SLC25A48: variants seen among roughly 807,000 people sequenced by gnomAD.
SLC25A48 encodes the protein CTC-321K16.1.
SLC25A48 carries 29 observed loss-of-function variants against 32.2 expected under a neutral mutation model. That is an observed-to-expected ratio of 0.90 (90% CI 0.67 to 1.23). SLC25A48 has a LOEUF of 1.23. SLC25A48 is among the 50% of genes most tolerant of loss of function. The pLI, the probability that SLC25A48 is intolerant of heterozygous loss-of-function variation, is 0.00. For synonymous variants in SLC25A48, 164 were observed against 172.3 expected (o/e 0.95, Z 0.38); for missense variants, 399 against 422.7 (o/e 0.94, Z 0.49).
intron 3 of SLC25A48, among the ~76,000 whole-genome samples, chr5:135,788,166 G>A (rs893127052): frequency 2.0e-5 from 3 of 151,622 alleles, no homozygotes; most frequent in South Asian, 2.1e-4. Context: ...TGTCCGGGGT[G>A]GGGGGAAGGG....
At chr5:135,857,746 G>T (rs188316454) in intron 4 of SLC25A48, among the ~76,000 whole-genome samples, 33 of 152,304 alleles carry the variant, frequency 2.2e-4, no homozygotes, top group Admixed American at 1.7e-3. Flanking sequence ...GGTGGGAGAA[G>T]GGCTGGGAGG....
intron 3 of SLC25A48, among the ~76,000 whole-genome samples, chr5:135,771,651 G>T (rs1208932618): frequency 6.6e-6 from 1 of 151,380 alleles, no homozygotes; most frequent in African/African-American, 2.4e-5. Context: ...GATATTGTTT[G>T]CAATATTACA....
chr5:135,782,678 C>T lies in SLC25A48; in HGVS notation c.-520-29845C>T. Among the ~76,000 whole-genome samples the T allele has an allele frequency of 1.7e-5, 2 of 117,720 alleles. 1 individual carries two copies. The highest frequency in any genetic ancestry group is 5.9e-4 in the South Asian group (2 of 3,396). The allele number at this position is 117,720 out of a possible 152,430, so 77.2% of individuals were successfully genotyped here. Reference sequence around the variant, plus strand: ...CCTCCCGTGATATCGTTCCTAATAACCAGGAAGGGAGAGGATATTACTCCC... The same window carrying T: ...CCTCCCGTGATATCGTTCCTAATAATCAGGAAGGGAGAGGATATTACTCCC... On this transcript the variant is annotated intron_variant, in intron 3 of 10. Transcript: ENST00000646290.
chr5:135,594,886 G>T (rs910265274), intron 1 of SLC25A48, among the ~76,000 whole-genome samples: 1 of 152,166 alleles, frequency 6.6e-6, no homozygotes, highest in African/African-American at 2.4e-5. Context: ...TAGGCAGGAG[G>T]CCCAATGATC....
chr5:135,799,652 G>C (rs561743128), intron 3 of SLC25A48, among the ~76,000 whole-genome samples: 19 of 151,562 alleles, frequency 1.3e-4, no homozygotes, highest in African/African-American at 4.4e-4. Flanking sequence ...TAATACCTAA[G>C]GGGAAAATAA....
chr5:135,798,120 A>G (rs1757233230), intron 3 of SLC25A48, among the ~76,000 whole-genome samples: 1 of 151,804 alleles, frequency 6.6e-6, no homozygotes, highest in Non-Finnish European at 1.5e-5. Flanking sequence ...ATTGTTCCTA[A>G]TATCCAGGGA....
chr5:135,745,706 C>T (rs35522686), intron 3 of SLC25A48, among the ~76,000 whole-genome samples: 39,454 of 152,116 alleles, frequency 0.26, 5,442 homozygotes, highest in East Asian at 0.46. Flanking sequence ...GTTTATATTT[C>T]CCCTGTTAAG....
At chr5:135,694,829 C>A (rs1168688198) in intron 3 of SLC25A48, among the ~76,000 whole-genome samples, 1 of 152,136 alleles carries the variant, frequency 6.6e-6, no homozygotes, top group African/African-American at 2.4e-5. Context: ...TCAGGTGATC[C>A]ACCCACCTTG....
At chr5:135,644,754 TGAA>T (rs1477760990) in intron 3 of SLC25A48, among the ~76,000 whole-genome samples, 1 of 152,110 alleles carries the variant, frequency 6.6e-6, no homozygotes, top group African/African-American at 2.4e-5. Flanking sequence ...AGAAATGAAA[TGAA>T]GACCATTTTT....
chr5:135,589,399 C>T (rs1231172198), intron 1 of SLC25A48, among the ~76,000 whole-genome samples: 2 of 152,220 alleles, frequency 1.3e-5, no homozygotes, highest in Non-Finnish European at 2.9e-5. Context: ...TCTGCCTGGT[C>T]CCTGATAGGT....
chr5:135,864,503 G>A (rs1240541629), intron 4 of SLC25A48, among the ~76,000 whole-genome samples: 1 of 152,160 alleles, frequency 6.6e-6, no homozygotes, highest in Non-Finnish European at 1.5e-5. Flanking sequence ...AGCATGAAAA[G>A]GGACCCAAAA....
chr5:135,789,210 C>T (rs1413152054), intron 3 of SLC25A48, among the ~76,000 whole-genome samples: 1 of 22,518 alleles, frequency 4.4e-5, no homozygotes, highest in African/African-American at 6.7e-5. Flanking sequence ...TCCCCCGCCA[C>T]GATATGGTTT....
chr5:135,712,145 C>T (rs1379476334), intron 3 of SLC25A48, among the ~76,000 whole-genome samples: 1 of 152,204 alleles, frequency 6.6e-6, no homozygotes, highest in Admixed American at 6.5e-5. Flanking sequence ...TCCCGCCAGG[C>T]ACACCCTACT....
At chr5:135,733,744 G>T (rs1447140830) in intron 3 of SLC25A48, among the ~76,000 whole-genome samples, 1 of 152,166 alleles carries the variant, frequency 6.6e-6, no homozygotes, top group Non-Finnish European at 1.5e-5. Context: ...GTAATGAAAA[G>T]GTTGGGATGA....
intron 3 of SLC25A48, among the ~76,000 whole-genome samples, chr5:135,785,756 A>G (rs1756826786): frequency 2.1e-5 from 3 of 142,382 alleles, no homozygotes; most frequent in African/African-American, 7.9e-5. Flanking sequence ...GCGGGGGTGA[A>G]ACATCCCGCT....
rs1480048169 is a variant in SLC25A48, at chr5:135,779,751, C to G, written c.-520-32772C>G. 1.1e-4 allele frequency among the ~76,000 whole-genome samples: 13 copies of G among 117,348 alleles called. 3 individuals carry two copies. Among genetic ancestry groups the G allele is most frequent in the African/African-American group, 2.6e-4 (10 of 38,624 alleles). 77.0% of individuals were successfully genotyped at this position (117,348 alleles called of 152,430 possible). A position where few individuals can be genotyped will look rare whatever the true frequency, so the allele number is the denominator to read the frequency against. Reference sequence around the variant, plus strand: ...ATCCCAATATCTCAGGGGTTCTACACCCCCTTTGTAATACTGGTCTTAATA... The same window carrying G: ...ATCCCAATATCTCAGGGGTTCTACAGCCCCTTTGTAATACTGGTCTTAATA... On this transcript the variant is annotated intron_variant, in intron 3 of 10. Transcript: ENST00000646290.
At chr5:135,582,659 C>T (rs1210895211) in intron 1 of SLC25A48, among the ~76,000 whole-genome samples, 1 of 152,138 alleles carries the variant, frequency 6.6e-6, no homozygotes, top group East Asian at 1.9e-4. Flanking sequence ...AGTGCGCACC[C>T]AATCATGACC....
intron 4 of SLC25A48, among the ~76,000 whole-genome samples, chr5:135,854,453 A>G (rs1022779062): frequency 1.3e-5 from 2 of 152,244 alleles, no homozygotes; most frequent in African/African-American, 4.8e-5. Flanking sequence ...TGCAGGCTCT[A>G]CATCAGCACT....
At position 135,834,769 on chromosome 5, in the gene SLC25A48, C is replaced by G; in HGVS notation, c.-79C>G. 1 of 1,446,738 alleles carries G rather than the reference C, an allele frequency of 6.9e-7. No homozygotes were observed. Among genetic ancestry groups the G allele is most frequent in the Non-Finnish European group, 9.2e-7 (1 of 1,083,972 alleles). The allele number at this position is 1,446,738 out of a possible 1,614,324, so 89.6% of individuals were successfully genotyped here. ...ACTCCGACTTCGGTCTTGCGGCGCGCTCGCGCCCGCGGGCCATGCCCCACT... is the reference window on the plus strand; with the variant it reads ...ACTCCGACTTCGGTCTTGCGGCGCGGTCGCGCCCGCGGGCCATGCCCCACT... On this transcript the variant is annotated 5_prime_UTR_variant, in exon 1 of 8. Transcript: ENST00000681962.
Sources: allele counts gnomAD v4.1 joint callset (sites outside exome capture counted in the v4.1 genomes callset), GRCh38; gene constraint gnomAD v4.1.1; transcripts MANE v1.5; gene names NCBI Gene and HGNC (gene_info 2026-07-23, HGNC 2026-07-21).